The following C1QTNF2 variants were observed in gnomAD, a reference collection of about 807,000 sequenced individuals.
C1QTNF2 encodes C1q and TNF related 2.
Under a neutral mutation model 17.4 loss-of-function variants are expected in C1QTNF2, and 15 were observed. The observed-to-expected ratio is 0.86, with a 90% CI of 0.58 to 1.33. The LOEUF is 1.33. Among genes scored for constraint, C1QTNF2 ranks in the 40% most tolerant of loss-of-function variants. The probability of loss-of-function intolerance (pLI) is 0.00; values close to 1 mark genes in which losing one functional copy is unlikely to be tolerated. For missense variants in C1QTNF2, 381 were observed against 392.3 expected, an observed-to-expected ratio of 0.97 and a Z score of 0.24; for synonymous variants, 154 against 163.3, an observed-to-expected ratio of 0.94 and a Z score of 0.44.
chr5:160,353,507 CA>C (rs1763964934), intron 2 of C1QTNF2, among the ~76,000 whole-genome samples: 1 of 152,140 alleles, frequency 6.6e-6, no homozygotes. Flanking sequence ...CACACACACG[CA>C]GGGGTGGGTC....
rs576292736 is a variant in C1QTNF2, at chr5:160,350,909, C to T, written c.245-1128G>A. On this transcript the variant is annotated intron_variant, in intron 2 of 2. Transcript: ENST00000652664. ...GGGACTACAGGCACCTGCCACCACG[C>T]CCGGCTAATTTTTTGTATATTTAGT... Among the ~76,000 whole-genome samples the T allele has an allele frequency of 8.5e-5, 13 of 152,276 alleles. No individual in the cohort carries two copies. In the South Asian group the frequency reaches 2.3e-3, roughly 27 times the overall value.
intron 1 of C1QTNF2, among the ~76,000 whole-genome samples, chr5:160,367,366 G>A (rs1221123756): frequency 1.3e-5 from 2 of 152,324 alleles, no homozygotes; most frequent in East Asian, 3.9e-4. Flanking sequence ...AGGCTGACTT[G>A]TGTCTCCCCA....
At chr5:160,361,790 A>G (rs1333309849) in intron 1 of C1QTNF2, among the ~76,000 whole-genome samples, 1 of 152,158 alleles carries the variant, frequency 6.6e-6, no homozygotes. Flanking sequence ...CAGGTCTCAT[A>G]TCATCTCCTC....
chr5:160,361,969 CG>C lies in C1QTNF2; in HGVS notation c.-9-6950del, dbSNP rs1261225327. Among the ~76,000 whole-genome samples, 10 of 152,340 alleles carry C rather than the reference CG, an allele frequency of 6.6e-5. No individual in the cohort carries two copies. In the East Asian group the frequency reaches 1.7e-3, roughly 26 times the overall value. On this transcript the variant is annotated intron_variant, in intron 1 of 2. Coordinates refer to ENST00000652664, the MANE Select transcript of C1QTNF2 (RefSeq NM_031908.6). Reference sequence around the variant, plus strand: ...TTCCCTGGAATGGAAGGTCCAGGAACGTATGGGCCCTGCATGTTGCTCTCAG... The same window carrying C: ...TTCCCTGGAATGGAAGGTCCAGGAACTATGGGCCCTGCATGTTGCTCTCAG...
chr5:160,357,902 A>C (rs1225933769), intron 1 of C1QTNF2, among the ~76,000 whole-genome samples: 1 of 152,182 alleles, frequency 6.6e-6, no homozygotes, highest in African/African-American at 2.4e-5. Flanking sequence ...CAGCCGGACG[A>C]GAGAGAGGGA....
chr5:160,352,656 C>T (rs113108472), intron 2 of C1QTNF2, among the ~76,000 whole-genome samples: 2 of 152,358 alleles, frequency 1.3e-5, no homozygotes, highest in African/African-American at 2.4e-5. Context: ...TCTAGCTGGC[C>T]TGCTTGGAGC....
At position 160,348,899 on chromosome 5, in the gene C1QTNF2, A is replaced by ATACTC. The variant is rs1181484813; in HGVS notation, c.*264_*268dup. 2.4e-6 allele frequency: 1 copy of ATACTC among 410,628 alleles called. No homozygotes were observed. The highest frequency in any genetic ancestry group is 2.0e-5 in the African/African-American group (1 of 50,642). 25.4% of individuals were successfully genotyped at this position (410,628 alleles called of 1,614,324 possible). A position where few individuals can be genotyped will look rare whatever the true frequency, so the allele number is the denominator to read the frequency against. ...TAGAATGTAAGCTGCATGAGGACAG[A>ATACTC]TACTCTGTCTTGTCCACTGCTGCAT... On this transcript the variant is annotated 3_prime_UTR_variant, in exon 3 of 3. Transcript: ENST00000652664.
At chr5:160,354,621 T>A (rs1308128347) in intron 2 of C1QTNF2, 147 bp downstream of exon 2, 3 of 200,172 alleles carry the variant, frequency 1.5e-5, no homozygotes, top group African/African-American at 8.7e-5. Flanking sequence ...TATATATATA[T>A]ATATATATAT....
chr5:160,354,913 T>C lies in C1QTNF2; in HGVS notation c.99A>G (p.Gln33=). The C allele has an allele frequency of 6.2e-7, 1 of 1,601,088 alleles. No individual in the cohort carries two copies. The highest frequency in any genetic ancestry group is 8.5e-7 in the Non-Finnish European group (1 of 1,174,352). The change falls in exon 2 of 3, where the codon CAA becomes CAG. Residue 33 remains glutamine (Q), a synonymous_variant. Transcript: ENST00000652664. ...ARRDFRKGSP[Q]LVCSLPGPQG... is the part of the protein sequence containing the mutation. ...GGGGGCCAGGCAGGCTGCAGACCAG[T>C]TGAGGGGAGCCTTTCCGGAAGTCCC...
chr5:160,349,101 TG>T lies in C1QTNF2; in HGVS notation c.*66del. 1 of 1,533,618 alleles carries T rather than the reference TG, an allele frequency of 6.5e-7. No individual in the cohort carries two copies. The highest frequency in any genetic ancestry group is 1.4e-5 in the African/African-American group (1 of 72,694). On this transcript the variant is annotated 3_prime_UTR_variant, in exon 3 of 3. Coordinates refer to ENST00000652664, the MANE Select transcript of C1QTNF2 (RefSeq NM_031908.6). This position sits in a 1 kb window ranked among gnomAD's most constrained non-coding sequence, Gnocchi z 4.3. ...ACCCCCCACCCCCAGCCTACAGTTG[TG>T]GGGTCTTGCTCTGTAAGCCCAAGTC...
At chr5:160,353,400 G>A (rs1763962709) in intron 2 of C1QTNF2, among the ~76,000 whole-genome samples, 1 of 152,088 alleles carries the variant, frequency 6.6e-6, no homozygotes, top group Non-Finnish European at 1.5e-5. Context: ...CGTCTGCCTG[G>A]CATCCCTTCC....
chr5:160,357,147 C>T (rs2113518664), intron 1 of C1QTNF2, among the ~76,000 whole-genome samples: 1 of 152,312 alleles, frequency 6.6e-6, no homozygotes, highest in Non-Finnish European at 1.5e-5. Flanking sequence ...ACCTCCCCTC[C>T]CTTCAACTTG....
chr5:160,355,048 G>C, intron 1 of C1QTNF2, 28 bp from the exon 2 acceptor site: 5 of 1,506,450 alleles, frequency 3.3e-6, no homozygotes, highest in Non-Finnish European at 4.4e-6. Flanking sequence ...GCTGTGACAG[G>C]TGAGTGTGGC....
chr5:160,355,111 G>A (rs1182806617), intron 1 of C1QTNF2, 91 bp from the exon 2 acceptor site: 3 of 1,437,410 alleles, frequency 2.1e-6, no homozygotes, highest in Non-Finnish European at 2.8e-6. Flanking sequence ...GAGGCAGCTG[G>A]GATACACTCA....
chr5:160,367,021 C>CAAAAAAAAAA (rs71285021), intron 1 of C1QTNF2, among the ~76,000 whole-genome samples: 1 of 87,360 alleles, frequency 1.1e-5, no homozygotes, highest in African/African-American at 4.0e-5. Context: ...AAGACATTGT[C>CAAAAAAAAAA]AAAAAAAAAA....
chr5:160,359,013 C>T (rs941688442), intron 1 of C1QTNF2, among the ~76,000 whole-genome samples: 2 of 152,050 alleles, frequency 1.3e-5, no homozygotes, highest in Non-Finnish European at 2.9e-5. Flanking sequence ...TCCAGTCCAG[C>T]GATCTACCCG....
intron 1 of C1QTNF2, among the ~76,000 whole-genome samples, chr5:160,364,327 T>C (rs1574468): frequency 0.1 from 15,285 of 152,220 alleles, 814 homozygotes; most frequent in East Asian, 0.2. Flanking sequence ...ACACGTTACT[T>C]AATCTCTCCC....
At chr5:160,367,744 G>A (rs1305223545) in intron 1 of C1QTNF2, among the ~76,000 whole-genome samples, 1 of 152,204 alleles carries the variant, frequency 6.6e-6, no homozygotes, top group Non-Finnish European at 1.5e-5. Flanking sequence ...CAGAGAGCCT[G>A]TGTTCTACAG....
At chr5:160,362,766 G>A (rs893836184) in intron 1 of C1QTNF2, among the ~76,000 whole-genome samples, 7 of 152,148 alleles carry the variant, frequency 4.6e-5, no homozygotes, top group Admixed American at 3.3e-4. Flanking sequence ...GAAGACTGGG[G>A]TCCCAGTCCT....
Sources: allele counts gnomAD v4.1 joint callset (sites outside exome capture counted in the v4.1 genomes callset), GRCh38; gene constraint gnomAD v4.1.1; non-coding constraint Gnocchi (gnomAD v3.1); transcripts MANE v1.5; gene names NCBI Gene and HGNC (gene_info 2026-07-23, HGNC 2026-07-21).